The following MCPH1 variants were observed in gnomAD, a reference collection of about 807,000 sequenced individuals.
The protein encoded by MCPH1 is microcephalin.
MCPH1 carries 104 observed loss-of-function variants against 84.5 expected under a neutral mutation model. That is an observed-to-expected ratio of 1.23 (90% confidence interval 1.05 to 1.45). The LOEUF (loss-of-function observed/expected upper bound fraction) is 1.45, where lower values mean the gene tolerates loss of function less well. Among genes scored for constraint, MCPH1 ranks in the 40% most tolerant of loss-of-function variants. The pLI is 0.00. For synonymous variants in MCPH1, 514 were observed against 366.8 expected, an observed-to-expected ratio of 1.40 and a Z score of -4.58; for missense variants, 1,498 against 1,005.7, an observed-to-expected ratio of 1.49 and a Z score of -6.62.
chr8:6,626,195 G>A (rs1832057931), intron 13 of MCPH1: 3 of 985,318 alleles, frequency 3.0e-6, no homozygotes, highest in Non-Finnish European at 2.4e-6. Flanking sequence ...CACCCCAGCT[G>A]CCCCACCTTG....
chr8:6,503,495 CCTTGTG>C (rs1186697102), intron 12 of MCPH1, among the ~76,000 whole-genome samples: 1 of 152,174 alleles, frequency 6.6e-6, no homozygotes, highest in Non-Finnish European at 1.5e-5. Flanking sequence ...CCACCTTTTC[CCTTGTG>C]CTGTGTGGAG....
chr8:6,411,887 C>A (rs929374203), intron 2 of MCPH1, among the ~76,000 whole-genome samples: 1 of 152,036 alleles, frequency 6.6e-6, no homozygotes, highest in Non-Finnish European at 1.5e-5. Context: ...CTAATGTGCT[C>A]TTATAGGGAG....
At chr8:6,632,445 C>T (rs556190369) in intron 13 of MCPH1, among the ~76,000 whole-genome samples, 73 of 152,238 alleles carry the variant, frequency 4.8e-4, no homozygotes, top group African/African-American at 1.7e-3. Flanking sequence ...GAAATCTATT[C>T]ACCTCATTTT....
chr8:6,434,035 T>C (rs1283238760), intron 4 of MCPH1, among the ~76,000 whole-genome samples: 1 of 152,168 alleles, frequency 6.6e-6, no homozygotes, highest in Non-Finnish European at 1.5e-5. Flanking sequence ...TATGGCTTTG[T>C]GCAGATGTTA....
At chr8:6,640,097 TGCGCGC>T (rs59378325) in intron 13 of MCPH1, among the ~76,000 whole-genome samples, 4 of 131,414 alleles carry the variant, frequency 3.0e-5, no homozygotes, top group East Asian at 2.4e-4. Flanking sequence ...TGTGTGTGTG[TGCGCGC>T]GCGTGTGTGT....
intron 12 of MCPH1, among the ~76,000 whole-genome samples, chr8:6,529,832 C>A (rs1178803416): frequency 6.6e-6 from 1 of 151,194 alleles, no homozygotes; most frequent in African/African-American, 2.4e-5. Flanking sequence ...CATCTGTTTT[C>A]TTATTTTCCT....
intron 2 of MCPH1, among the ~76,000 whole-genome samples, chr8:6,412,730 C>T (rs1406085399): frequency 6.6e-6 from 1 of 152,202 alleles, no homozygotes; most frequent in Non-Finnish European, 1.5e-5. Context: ...CTAGACTCAT[C>T]TCTCTAGGTG....
At chr8:6,454,710 C>T (rs1419037778) in intron 8 of MCPH1, among the ~76,000 whole-genome samples, 1 of 152,174 alleles carries the variant, frequency 6.6e-6, no homozygotes, top group Non-Finnish European at 1.5e-5. Flanking sequence ...AAGCCTGAAG[C>T]TCTGTACTGA....
intron 12 of MCPH1, among the ~76,000 whole-genome samples, chr8:6,510,876 C>T (rs1814926195): frequency 6.6e-6 from 1 of 152,184 alleles, no homozygotes; most frequent in Admixed American, 6.5e-5. Context: ...ATGTGAGTCT[C>T]AGTATTTTCC....
chr8:6,434,455 A>G (rs1169652347), intron 4 of MCPH1, among the ~76,000 whole-genome samples: 1 of 152,224 alleles, frequency 6.6e-6, no homozygotes, highest in South Asian at 2.1e-4. Context: ...ATTTTGTGTC[A>G]TGCAGGTACT....
intron 12 of MCPH1, among the ~76,000 whole-genome samples, chr8:6,540,174 T>G (rs1323247682): frequency 6.6e-6 from 1 of 152,172 alleles, no homozygotes; most frequent in Non-Finnish European, 1.5e-5. Flanking sequence ...GCATATTCTT[T>G]GCATTAATTT....
intron 12 of MCPH1, among the ~76,000 whole-genome samples, chr8:6,576,589 A>T (rs530338628): frequency 2.8e-5 from 4 of 144,628 alleles, no homozygotes; most frequent in African/African-American, 1.0e-4. Context: ...GTTCACTGCA[A>T]TCTCCACCTC....
At position 6,552,383 on chromosome 8, in the gene MCPH1, G is replaced by A. The variant is rs1823803028; in HGVS notation, c.2214+52454G>A. On this transcript the variant is annotated intron_variant, in intron 12 of 13. Transcript: ENST00000344683. ...TTCCACAGAGGCACTCATGCAATAT[G>A]CAGAATACAGACATTTTACACACAC... 2.0e-5 allele frequency among the ~76,000 whole-genome samples: 3 copies of A among 152,198 alleles called. No homozygotes were observed. In the South Asian group the frequency reaches 6.2e-4, roughly 32 times the overall value.
chr8:6,593,099 T>A (rs1025856974), intron 12 of MCPH1, among the ~76,000 whole-genome samples: 1 of 150,566 alleles, frequency 6.6e-6, no homozygotes, highest in African/African-American at 2.4e-5. Flanking sequence ...TTTTTTTTTT[T>A]TTAGACAGAG....
intron 8 of MCPH1, among the ~76,000 whole-genome samples, chr8:6,453,591 G>A (rs1160814016): frequency 4.6e-5 from 7 of 152,174 alleles, no homozygotes; most frequent in Admixed American, 1.3e-4. Context: ...AGAGCACTAC[G>A]TCCCAAATTA....
chr8:6,489,248 A>G (rs996989776), intron 11 of MCPH1, among the ~76,000 whole-genome samples: 1 of 152,154 alleles, frequency 6.6e-6, no homozygotes, highest in African/African-American at 2.4e-5. Context: ...GTGAATGAAG[A>G]AATGAAGAAA....
intron 12 of MCPH1, among the ~76,000 whole-genome samples, chr8:6,568,248 TAGCTGAATGTGGAATGTGGACCCATC>T (rs879886334): frequency 0.055 from 7,284 of 131,652 alleles, 502 homozygotes; most frequent in African/African-American, 0.18. Flanking sequence ...GACCCATCGC[TAGCTGAATGTGGAATGTGGACCCATC>T]GCTAGCTGAA....
At chr8:6,585,434 T>TCC (rs1827894174) in intron 12 of MCPH1, among the ~76,000 whole-genome samples, 1 of 152,334 alleles carries the variant, frequency 6.6e-6, no homozygotes, top group South Asian at 2.1e-4. Context: ...GGGAGCCCCT[T>TCC]CCCGGGAACG....
intron 12 of MCPH1, among the ~76,000 whole-genome samples, chr8:6,589,848 C>T (rs966053417): frequency 6.6e-6 from 1 of 151,904 alleles, no homozygotes; most frequent in African/African-American, 2.4e-5. Context: ...TGATGAGATG[C>T]GAAGATACAG....
Sources: allele counts gnomAD v4.1 joint callset (sites outside exome capture counted in the v4.1 genomes callset), GRCh38; gene constraint gnomAD v4.1.1; transcripts MANE v1.5; gene names NCBI Gene and HGNC (gene_info 2026-07-23, HGNC 2026-07-21).